HERC6: variants seen among roughly 807,000 people sequenced by gnomAD.
HERC6 encodes the protein HECT and RLD domain containing E3 ubiquitin protein ligase family member 6.
Under a neutral mutation model 114.5 loss-of-function variants are expected in HERC6, and 101 were observed. The observed-to-expected ratio is 0.88, with a 90% CI of 0.75 to 1.04. The LOEUF is 1.04. HERC6 is among the 50% of genes least tolerant of loss of function. The pLI is 0.00. For synonymous variants in HERC6, 408 were observed against 436.2 expected (o/e 0.94, Z 0.81); for missense variants, 1,133 against 1,230.9 (o/e 0.92, Z 1.19).
intron 13 of HERC6, among the ~76,000 whole-genome samples, chr4:88,418,449 T>C (rs561673508): frequency 6.6e-6 from 1 of 152,304 alleles, no homozygotes; most frequent in Non-Finnish European, 1.5e-5. Flanking sequence ...TGGACGGCAA[T>C]AGGACAGCTC....
chr4:88,442,605 T>G lies in HERC6; in HGVS notation c.*145T>G, dbSNP rs2149050903. 1.5e-6 allele frequency: 1 copy of G among 687,486 alleles called. No individual in the cohort carries two copies. Among genetic ancestry groups the G allele is most frequent in the Non-Finnish European group, 2.5e-6 (1 of 395,342 alleles). The allele number at this position is 687,486 out of a possible 1,614,324, so 42.6% of individuals were successfully genotyped here. ...GGGAATGGGGAGATGATGATGATGG[T>G]CAAAGGGTGCAAAATCTCACACAAG... On this transcript the variant is annotated 3_prime_UTR_variant, in exon 23 of 23. Transcript: ENST00000264346.
rs1391698108 is a variant in HERC6, at chr4:88,390,799, C to T, written c.584C>T (p.Ala195Val). The change falls in exon 4 of 23, where the codon GCC (alanine) becomes GTC (valine). Residue 195 changes from alanine to valine, a missense_variant. Physicochemically the swap from Ala to Val is moderately conservative, Grantham distance 64. Coordinates refer to ENST00000264346, the MANE Select transcript of HERC6 (RefSeq NM_017912.4). The stretch of plus-strand genomic sequence containing the variant: ...GCTGCCGGAGGGGCTCACAGCTTTG[C>T]CCTGTCTCTCTGTGGGACTTCGTTT... ...QVAAGGAHSFALSLCGTSFGW... is the reference protein window; with the variant it reads ...QVAAGGAHSFVLSLCGTSFGW... 2 of 1,614,018 alleles carry T rather than the reference C, an allele frequency of 1.2e-6. No individual in the cohort carries two copies. Among genetic ancestry groups the T allele is most frequent in the African/African-American group, 2.7e-5 (2 of 74,912 alleles).
intron 10 of HERC6, among the ~76,000 whole-genome samples, chr4:88,405,902 C>A (rs935770568): frequency 6.6e-6 from 1 of 152,126 alleles, no homozygotes; most frequent in Non-Finnish European, 1.5e-5. Flanking sequence ...TACAAAGGAT[C>A]GGCTAAATCT....
chr4:88,431,279 G>C lies in HERC6; in HGVS notation c.2224G>C (p.Gly742Arg). The C allele has an allele frequency of 6.2e-7, 1 of 1,603,906 alleles. No homozygotes were observed. Among genetic ancestry groups the C allele is most frequent in the Non-Finnish European group, 8.5e-7 (1 of 1,176,830 alleles). The change falls in exon 17 of 23, where the codon GGT becomes CGT. Residue 742 changes from glycine (G) to arginine (R), a missense_variant. Physicochemically the swap from Gly to Arg is moderately radical, Grantham distance 125. Around this residue, in one of 3 missense-constraint regions of HERC6, gnomAD observed 388 missense variants for 445.9 expected, o/e 0.87. Coordinates refer to ENST00000264346, the MANE Select transcript of HERC6 (RefSeq NM_017912.4). ...TGGAATGTTCATGTATCCTGAAATG[G>C]GTTCCTGCATGTGGTTTCCTGCCAA... is the stretch of plus-strand genomic sequence containing the variant. ...EYGMFMYPEM[G>R]SCMWFPAKPK... is the part of the protein sequence containing the mutation.
intron 21 of HERC6, 36 bp from the exon 22 acceptor site, chr4:88,440,112 C>T: frequency 6.2e-7 from 1 of 1,600,878 alleles, no homozygotes; most frequent in Non-Finnish European, 8.5e-7. Context: ...TATATTCCAC[C>T]CCACTCAAAT....
intron 8 of HERC6, among the ~76,000 whole-genome samples, chr4:88,403,677 C>G (rs975221300): frequency 6.6e-6 from 1 of 152,018 alleles, no homozygotes; most frequent in Non-Finnish European, 1.5e-5. Context: ...TGGTGTGAAC[C>G]TGGGAGACAG....
chr4:88,395,641 C>T (rs1735186660), intron 5 of HERC6, among the ~76,000 whole-genome samples: 1 of 151,916 alleles, frequency 6.6e-6, no homozygotes, highest in Admixed American at 6.6e-5. Flanking sequence ...CCATGCTGTA[C>T]AATACATCAC....
At chr4:88,387,678 T>G (rs1734659536) in intron 3 of HERC6, among the ~76,000 whole-genome samples, 1 of 152,234 alleles carries the variant, frequency 6.6e-6, no homozygotes, top group Non-Finnish European at 1.5e-5. Context: ...TTAACTTGGC[T>G]GAGTCTCAAT....
intron 13 of HERC6, among the ~76,000 whole-genome samples, 188 bp downstream of exon 13, chr4:88,417,767 G>C (rs547630689): frequency 6.6e-6 from 1 of 152,086 alleles, no homozygotes; most frequent in Non-Finnish European, 1.5e-5. Context: ...AACTTTAGGA[G>C]GACTTAAGAT....
At chr4:88,398,514 T>G in intron 8 of HERC6, 2 of 206,400 alleles carry the variant, frequency 9.7e-6, no homozygotes, top group African/African-American at 2.3e-5. Context: ...ACAGCAGCTG[T>G]TTCCATCTTC....
At position 88,379,106 on chromosome 4, in the gene HERC6, G is replaced by T; in HGVS notation, c.185G>T (p.Arg62Leu). 2 of 1,543,094 alleles carry T rather than the reference G, an allele frequency of 1.3e-6. No individual in the cohort carries two copies. The highest frequency in any genetic ancestry group is 8.7e-7 in the Non-Finnish European group (1 of 1,146,294). ...RGQLGRRGAQRGELPEPIQAL... is the reference protein window; with the variant it reads ...RGQLGRRGAQLGELPEPIQAL... ...CAGCTGGGCCGCAGGGGCGCGCAGC[G>T]CGGGGAGCTGCCAGGTGAGCGGGGG... The change falls in exon 1 of 23, where the codon CGC (arginine) becomes CTC (leucine). Residue 62 changes from arginine to leucine, a missense_variant. Transcript: ENST00000264346.
intron 11 of HERC6, among the ~76,000 whole-genome samples, chr4:88,408,966 C>T (rs1285263403): frequency 6.6e-6 from 1 of 152,140 alleles, no homozygotes; most frequent in Non-Finnish European, 1.5e-5. Flanking sequence ...GGAATAGAAA[C>T]TGTCCTCTTG....
rs758249403 is a variant in HERC6, at chr4:88,378,881, ACCGACGGAAT to A, written c.-37_-28del. ...GCGTTCGGGAGCCTGTCGCAGCGGGACCGACGGAATCCGGAGCAGGCGACAGGGCGCAGAA... is the reference window on the plus strand; with the variant it reads ...GCGTTCGGGAGCCTGTCGCAGCGGGACCGGAGCAGGCGACAGGGCGCAGAA... On this transcript the variant is annotated 5_prime_UTR_variant, in exon 1 of 23. Transcript: ENST00000264346. 3 of 1,520,224 alleles carry A rather than the reference ACCGACGGAAT, an allele frequency of 2.0e-6. No homozygotes were observed. The highest frequency in any genetic ancestry group is 2.7e-6 in the Non-Finnish European group (3 of 1,130,328). 94.2% of individuals were successfully genotyped at this position (1,520,224 alleles called of 1,614,324 possible). A position where few individuals can be genotyped will look rare whatever the true frequency, so the allele number is the denominator to read the frequency against.
intron 13 of HERC6, among the ~76,000 whole-genome samples, chr4:88,422,684 T>G (rs1236323152): frequency 1.3e-5 from 2 of 152,180 alleles, no homozygotes; most frequent in Admixed American, 1.3e-4. Context: ...GAGACTGGTT[T>G]GTTATTTTAC....
intron 8 of HERC6, among the ~76,000 whole-genome samples, chr4:88,404,649 C>CT (rs59900225): frequency 9.1e-4 from 136 of 149,770 alleles, no homozygotes; most frequent in African/African-American, 2.5e-3. Flanking sequence ...CCTGCATTCA[C>CT]TTTTTTTTTT....
intron 5 of HERC6, among the ~76,000 whole-genome samples, chr4:88,393,795 T>C (rs963945672): frequency 3.3e-5 from 5 of 152,206 alleles, no homozygotes; most frequent in African/African-American, 1.2e-4. Context: ...AGATTTGATG[T>C]CTGATGAGGG....
chr4:88,381,198 A>T (rs1390458217), intron 1 of HERC6, among the ~76,000 whole-genome samples: 1 of 152,116 alleles, frequency 6.6e-6, no homozygotes, highest in African/African-American at 2.4e-5. Flanking sequence ...TGTGTGGAGG[A>T]GGAAAATTTT....
In HERC6 at chr4:88,378,862, G is replaced by T; in HGVS notation, c.-60G>T. The T allele has an allele frequency of 6.8e-7, 1 of 1,460,978 alleles. No homozygotes were observed. The highest frequency in any genetic ancestry group is 9.2e-7 in the Non-Finnish European group (1 of 1,089,976). The allele number at this position is 1,460,978 out of a possible 1,614,324, so 90.5% of individuals were successfully genotyped here. A position where few individuals can be genotyped will look rare whatever the true frequency, so the allele number is the denominator to read the frequency against. On this transcript the variant is annotated 5_prime_UTR_variant, in exon 1 of 23. Transcript: ENST00000264346. ...ATCGCGCACCCAGTCACCAGCGTTC[G>T]GGAGCCTGTCGCAGCGGGACCGACG...
At chr4:88,421,605 C>A (rs1484505613) in intron 13 of HERC6, among the ~76,000 whole-genome samples, 1 of 151,958 alleles carries the variant, frequency 6.6e-6, no homozygotes, top group Non-Finnish European at 1.5e-5. Context: ...ACACCCCATG[C>A]CTGGCTAATT....
Sources: gnomAD v4.1 joint callset for allele counts (sites outside exome capture counted in the v4.1 genomes callset) on GRCh38, gnomAD v4.1.1 for gene constraint, gnomAD v4.1.1 regional missense constraint, MANE v1.5 for transcripts, NCBI Gene and HGNC (gene_info 2026-07-23, HGNC 2026-07-21) for gene names.